The following USP34 variants were observed in gnomAD, a reference collection of about 807,000 sequenced individuals.
USP34 encodes the protein ubiquitin specific peptidase 34, also known as ubiquitin carboxyl-terminal hydrolase 34.
In USP34, 70 loss-of-function variants were observed where a neutral mutation model predicts 460.3. That is an observed-to-expected ratio of 0.15 (90% CI 0.13 to 0.19). The LOEUF is 0.19. USP34 is among the 10% of genes least tolerant of loss of function. The pLI, the probability that USP34 is intolerant of heterozygous loss-of-function variation, is 1.00. For synonymous variants in USP34, 1,647 were observed against 1,405.3 expected, an observed-to-expected ratio of 1.17 and a Z score of -3.85; for missense variants, 3,985 against 4,236.2, an observed-to-expected ratio of 0.94 and a Z score of 1.65.
At position 61,227,162 on chromosome 2, in the gene USP34, A is replaced by G. The variant is rs1403484351; in HGVS notation, c.7500T>C (p.Asp2500=). 3.7e-6 allele frequency: 6 copies of G among 1,613,998 alleles called. No individual in the cohort carries two copies. Among genetic ancestry groups the G allele is most frequent in the Non-Finnish European group, 5.1e-6 (6 of 1,179,948 alleles). ...EEGEEEEEEE[D]ILSLAEEKYR... ...ATTTTTCTTCTGCCAGAGAGAGGATATCTTCTTCCTCCTCTTCTTCTTCCC... is the reference window on the plus strand; with the variant it reads ...ATTTTTCTTCTGCCAGAGAGAGGATGTCTTCTTCCTCCTCTTCTTCTTCCC... Residue 2500 remains aspartate, a synonymous_variant, in exon 62 of 80, where the codon GAT becomes GAC. Transcript: ENST00000398571.
chr2:61,223,696 T>C (rs975941970), intron 62 of USP34: 25 of 188,684 alleles, frequency 1.3e-4, no homozygotes, highest in African/African-American at 4.8e-4. Context: ...TTTTTAGAGA[T>C]GGAGTCTACT....
chr2:61,334,466 G>A (rs1285814538), intron 18 of USP34, among the ~76,000 whole-genome samples: 1 of 152,140 alleles, frequency 6.6e-6, no homozygotes, highest in Non-Finnish European at 1.5e-5. Context: ...GTACAGGACA[G>A]ATACTGACAT....
chr2:61,443,043 T>G (rs574541813), intron 1 of USP34, among the ~76,000 whole-genome samples: 1 of 130,304 alleles, frequency 7.7e-6, no homozygotes, highest in South Asian at 2.6e-4. Context: ...AGCAGAAAGT[T>G]AAACACCATA....
Position 61,236,392 on chromosome 2 carries a change from G to T in USP34, c.6778-3C>A. 2 of 1,581,236 alleles carry T rather than the reference G, an allele frequency of 1.3e-6. No individual in the cohort carries two copies. Among genetic ancestry groups the T allele is most frequent in the South Asian group, 1.2e-5 (1 of 84,770 alleles). The stretch of plus-strand genomic sequence containing the variant: ...TGCATGTTATCATGCCAAATCCACT[G>T]AAAATAAAAATGTTAACATTAGTGA... On this transcript the variant is annotated splice_region_variant and splice_polypyrimidine_tract_variant and intron_variant, in intron 53 of 79. Coordinates refer to ENST00000398571, the MANE Select transcript of USP34 (RefSeq NM_014709.4).
At chr2:61,463,623 C>G (rs1296353382) in intron 1 of USP34, among the ~76,000 whole-genome samples, 5 of 152,088 alleles carry the variant, frequency 3.3e-5, no homozygotes, top group African/African-American at 1.2e-4. Flanking sequence ...TACCTGGGGT[C>G]AGGAATTCAA....
chr2:61,284,756 G>A (rs1317585794), intron 35 of USP34, 119 bp downstream of exon 35: 3 of 718,102 alleles, frequency 4.2e-6, no homozygotes, highest in Non-Finnish European at 4.4e-6. Context: ...AGGTATGAGA[G>A]ATTTCATCAT....
intron 62 of USP34, among the ~76,000 whole-genome samples, chr2:61,224,413 A>G (rs1687672039): frequency 6.6e-6 from 1 of 152,184 alleles, no homozygotes; most frequent in Non-Finnish European, 1.5e-5. Flanking sequence ...TTTAATTAAC[A>G]GTATCTTGTA....
chr2:61,398,389 G>A (rs1424228692), intron 3 of USP34, among the ~76,000 whole-genome samples: 2 of 148,254 alleles, frequency 1.3e-5, no homozygotes, highest in Admixed American at 6.8e-5. Context: ...GAGAGATGGG[G>A]GAGGACAGAA....
intron 10 of USP34, among the ~76,000 whole-genome samples, chr2:61,354,830 A>AC (rs1377898723): frequency 6.6e-6 from 1 of 152,184 alleles, no homozygotes; most frequent in African/African-American, 2.4e-5. Context: ...ACTGAGGCAG[A>AC]CCCTTGGGTG....
At chr2:61,198,102 T>A (rs932620998) in intron 75 of USP34, among the ~76,000 whole-genome samples, 1 of 152,070 alleles carries the variant, frequency 6.6e-6, no homozygotes, top group Non-Finnish European at 1.5e-5. Flanking sequence ...TTATTAAAAT[T>A]ACAAAACCAA....
At chr2:61,232,585 T>C (rs1687938157) in intron 57 of USP34, 53 bp from the exon 58 acceptor site, 2 of 1,359,838 alleles carry the variant, frequency 1.5e-6, no homozygotes, top group African/African-American at 2.9e-5. Context: ...ATTTGTTACA[T>C]GGGATAACAG....
At chr2:61,270,926 T>TA (rs938866833) in intron 41 of USP34, among the ~76,000 whole-genome samples, 7 of 152,330 alleles carry the variant, frequency 4.6e-5, no homozygotes, top group Non-Finnish European at 1.0e-4. Context: ...ACTTAATTTT[T>TA]ACTCATATTC....
intron 19 of USP34, among the ~76,000 whole-genome samples, chr2:61,332,912 A>G (rs1484780236): frequency 6.6e-6 from 1 of 152,054 alleles, no homozygotes; most frequent in Non-Finnish European, 1.5e-5. Flanking sequence ...AACTTCATCT[A>G]ATCTGGAATT....
At chr2:61,302,808 T>C (rs1228195315) in intron 27 of USP34, among the ~76,000 whole-genome samples, 3 of 152,220 alleles carry the variant, frequency 2.0e-5, no homozygotes, top group African/African-American at 4.8e-5. Flanking sequence ...TTTTTGTTTT[T>C]TCTTTTTTCA....
chr2:61,297,214 C>T (rs1690056214), intron 29 of USP34, among the ~76,000 whole-genome samples: 1 of 152,132 alleles, frequency 6.6e-6, no homozygotes, highest in Admixed American at 6.5e-5. Flanking sequence ...TGTTTAAAGG[C>T]CAGAAAATTC....
chr2:61,344,993 C>A (rs1691720308), intron 15 of USP34, among the ~76,000 whole-genome samples: 1 of 152,196 alleles, frequency 6.6e-6, no homozygotes, highest in Non-Finnish European at 1.5e-5. Flanking sequence ...TGGCCCAAGG[C>A]TGGGCATGGT....
At position 61,235,924 on chromosome 2, in the gene USP34, G is replaced by A; in HGVS notation, c.6967-14C>T. ...AAGCATCGTGGGCTAGAAAAGAAAA[G>A]TCAGTCAAAGCATATGAACTTCTGA... On this transcript the variant is annotated splice_polypyrimidine_tract_variant and intron_variant, in intron 56 of 79. Coordinates refer to ENST00000398571, the MANE Select transcript of USP34 (RefSeq NM_014709.4). 1 of 1,610,796 alleles carries A rather than the reference G, an allele frequency of 6.2e-7. No homozygotes were observed. The highest frequency in any genetic ancestry group is 1.1e-5 in the South Asian group (1 of 89,902).
intron 27 of USP34, among the ~76,000 whole-genome samples, chr2:61,303,514 A>G (rs1690294549): frequency 6.6e-6 from 1 of 152,246 alleles, no homozygotes. Flanking sequence ...GTATTATACA[A>G]AACCAGAAGA....
chr2:61,407,993 T>C (rs1693930579), intron 2 of USP34, among the ~76,000 whole-genome samples: 1 of 152,110 alleles, frequency 6.6e-6, no homozygotes, highest in African/African-American at 2.4e-5. Flanking sequence ...TGGGCACCTG[T>C]AATCCCAGCT....
Sources: allele counts gnomAD v4.1 joint callset (sites outside exome capture counted in the v4.1 genomes callset), GRCh38; gene constraint gnomAD v4.1.1; transcripts MANE v1.5; gene names NCBI Gene and HGNC (gene_info 2026-07-23, HGNC 2026-07-21).